ZYG11A: variants seen among roughly 807,000 people sequenced by gnomAD.
The protein encoded by ZYG11A is zyg-11 family member A, cell cycle regulator.
In ZYG11A, 62 loss-of-function variants were observed where a neutral mutation model predicts 77.2. The ratio of observed to expected loss-of-function variants is 0.80; its 90% CI spans 0.65 to 0.99. The LOEUF is 0.99. Ranked by LOEUF, ZYG11A falls within the 50% of genes least tolerant of loss-of-function variation. The pLI is 0.00. For synonymous variants in ZYG11A, 315 were observed against 324.6 expected, an observed-to-expected ratio of 0.97 and a Z score of 0.32; for missense variants, 828 against 896.8, an observed-to-expected ratio of 0.92 and a Z score of 0.98.
Position 52,892,895 on chromosome 1 carries a change from G to A in ZYG11A, c.2218G>A (p.Asp740Asn), listed in dbSNP as rs1328035217. The change falls in exon 14 of 14, where the codon GAT becomes AAT. Residue 740 changes from aspartate to asparagine, a missense_variant. By Grantham distance (23) the Asp-to-Asn change is conservative. Transcript: ENST00000371528. ...ACAGCAGATTGCAGCCTCCATTCTG[G>A]ATGACTTCAGAATGCATTTCATGAA... Reference protein sequence around the residue: ...KAQQIAASILDDFRMHFMNYQ... With the variant: ...KAQQIAASILNDFRMHFMNYQ... The A allele has an allele frequency of 6.4e-7, 1 of 1,551,766 alleles. No individual in the cohort carries two copies. The highest frequency in any genetic ancestry group is 8.7e-7 in the Non-Finnish European group (1 of 1,146,958).
At chr1:52,858,757 T>C (rs4926936) in intron 3 of ZYG11A, among the ~76,000 whole-genome samples, 73,953 of 151,312 alleles carry the variant, frequency 0.49, 19,246 homozygotes, top group Non-Finnish European at 0.59. Context: ...GGATTACAGG[T>C]GTGCACCACC....
chr1:52,890,970 C>G (rs1646534011), intron 13 of ZYG11A, among the ~76,000 whole-genome samples: 1 of 151,894 alleles, frequency 6.6e-6, no homozygotes, highest in South Asian at 2.1e-4. Context: ...ATGATCTCAG[C>G]TCACTGCAAC....
At chr1:52,888,918 G>A (rs1015175178) in intron 13 of ZYG11A, among the ~76,000 whole-genome samples, 16 of 152,140 alleles carry the variant, frequency 1.1e-4, no homozygotes, top group Admixed American at 5.2e-4. Flanking sequence ...TGGTTCTGAC[G>A]TATGAATAGA....
At chr1:52,877,871 T>A in intron 9 of ZYG11A, 28 bp downstream of exon 9, 2 of 1,550,992 alleles carry the variant, frequency 1.3e-6, no homozygotes, top group Non-Finnish European at 1.7e-6. Flanking sequence ...AGTTTATATG[T>A]AAAGTTCTTC....
intron 4 of ZYG11A, 101 bp from the exon 5 acceptor site, chr1:52,863,880 C>A: frequency 9.2e-7 from 1 of 1,090,896 alleles, no homozygotes; most frequent in Non-Finnish European, 1.3e-6. Context: ...AAAATCTGTT[C>A]CTGTCCCAAT....
chr1:52,853,264 C>T (rs1645747859), intron 1 of ZYG11A, among the ~76,000 whole-genome samples: 1 of 152,200 alleles, frequency 6.6e-6, no homozygotes, highest in African/African-American at 2.4e-5. Context: ...ATGGTTTCTA[C>T]TTTATACCGT....
At chr1:52,862,978 G>A (rs1645958914) in intron 4 of ZYG11A, among the ~76,000 whole-genome samples, 1 of 152,078 alleles carries the variant, frequency 6.6e-6, no homozygotes, top group Non-Finnish European at 1.5e-5. Context: ...TAAAGATGAG[G>A]TCTTACTGTG....
In ZYG11A at chr1:52,892,850, A is replaced by C; in HGVS notation, c.2173A>C (p.Ser725Arg). The change falls in exon 14 of 14, where the codon AGT becomes CGT. Residue 725 changes from serine (S) to arginine (R), a missense_variant. Coordinates refer to ENST00000371528, the MANE Select transcript of ZYG11A (RefSeq NM_001004339.3). ...LQLLCDIQEH[S>R]EATPKAQQIA... is the part of the protein sequence containing the mutation. ...GCTTTTGTGTGATATCCAGGAGCAC[A>C]GTGAGGCAACCCCCAAAGCACAGCA... The C allele has an allele frequency of 4.5e-6, 7 of 1,551,750 alleles. No homozygotes were observed. The highest frequency in any genetic ancestry group is 5.2e-6 in the Non-Finnish European group (6 of 1,146,986).
chr1:52,852,667 A>G (rs143678190), intron 1 of ZYG11A, among the ~76,000 whole-genome samples: 19 of 152,222 alleles, frequency 1.2e-4, no homozygotes, highest in Admixed American at 7.2e-4. Context: ...CAGCGTTTCT[A>G]TTTTGTAGAG....
Position 52,842,989 on chromosome 1 carries a change from C to T in ZYG11A, c.90+16C>T, listed in dbSNP as rs560862279. On this transcript the variant is annotated intron_variant, in intron 1 of 13. Coordinates refer to ENST00000371528, the MANE Select transcript of ZYG11A (RefSeq NM_001004339.3). ...CGTGGTACAGGTGAGCACCGGGGTG[C>T]GGGCGGCGACGCGGACCTCGGCGCC... The T allele has an allele frequency of 3.0e-5, 45 of 1,504,524 alleles. No homozygotes were observed. Among genetic ancestry groups the T allele is most frequent in the South Asian group, 2.3e-4 (18 of 79,174 alleles). The allele number at this position is 1,504,524 out of a possible 1,614,324, so 93.2% of individuals were successfully genotyped here. A position where few individuals can be genotyped will look rare whatever the true frequency, so the allele number is the denominator to read the frequency against.
At chr1:52,885,622 G>T (rs191819821) in intron 11 of ZYG11A, among the ~76,000 whole-genome samples, 1 of 152,098 alleles carries the variant, frequency 6.6e-6, no homozygotes, top group African/African-American at 2.4e-5. Context: ...AGGTAAATTC[G>T]TGCTCAGTCC....
At chr1:52,858,493 C>T (rs1209844489) in intron 3 of ZYG11A, among the ~76,000 whole-genome samples, 27 of 148,322 alleles carry the variant, frequency 1.8e-4, no homozygotes, top group Admixed American at 5.4e-4. Context: ...TTAGTAGAGA[C>T]GGGGTTTCAC....
At chr1:52,885,448 C>T (rs984385134) in intron 11 of ZYG11A, among the ~76,000 whole-genome samples, 50 of 152,106 alleles carry the variant, frequency 3.3e-4, no homozygotes, top group African/African-American at 1.2e-3. Flanking sequence ...TTGTGATCCG[C>T]CCGCCTTGGC....
intron 8 of ZYG11A, among the ~76,000 whole-genome samples, chr1:52,874,420 A>ATT (rs889170510): frequency 7.0e-6 from 1 of 142,996 alleles, no homozygotes; most frequent in East Asian, 2.0e-4. Context: ...AATTTTTTAC[A>ATT]TTTTTTTTTT....
At chr1:52,861,841 G>C (rs1328182562) in intron 4 of ZYG11A, among the ~76,000 whole-genome samples, 1 of 152,024 alleles carries the variant, frequency 6.6e-6, no homozygotes, top group African/African-American at 2.4e-5. Flanking sequence ...GGATTTCCTG[G>C]GGCCAGGAGT....
Position 52,855,079 on chromosome 1 carries a change from C to A in ZYG11A, c.256+449C>A, listed in dbSNP as rs150915617. 5.7e-3 allele frequency among the ~76,000 whole-genome samples: 860 copies of A among 152,096 alleles called. 8 individuals carry two copies. Among genetic ancestry groups the A allele is most frequent in the African/African-American group, 0.02 (829 of 41,500 alleles). On this transcript the variant is annotated intron_variant, in intron 2 of 13. Transcript: ENST00000371528. ...GTTTCACCACTTTGGTCAGGCTGGTCTTGAACTCCTGAGTTCAGATGATCC... is the reference window on the plus strand; with the variant it reads ...GTTTCACCACTTTGGTCAGGCTGGTATTGAACTCCTGAGTTCAGATGATCC...
In ZYG11A at chr1:52,857,113, T is replaced by A; in HGVS notation, c.372T>A (p.Arg124=). 6.4e-7 allele frequency: 1 copy of A among 1,551,830 alleles called. No homozygotes were observed. Among genetic ancestry groups the A allele is most frequent in the Non-Finnish European group, 8.7e-7 (1 of 1,147,028 alleles). ...CTGCATTCATAAAAGCCTTCTGCCG[T>A]CATAAGCTCATTGAACTGAATGCTA... is the stretch of plus-strand genomic sequence containing the variant. ...STAAFIKAFC[R]HKLIELNATA... Residue 124 remains arginine, a synonymous_variant, in exon 3 of 14, where the codon CGT becomes CGA. Coordinates refer to ENST00000371528, the MANE Select transcript of ZYG11A (RefSeq NM_001004339.3).
intron 1 of ZYG11A, among the ~76,000 whole-genome samples, chr1:52,843,682 TTC>T (rs1405270112): frequency 1.3e-4 from 16 of 124,334 alleles, no homozygotes; most frequent in Non-Finnish European, 2.8e-4. Flanking sequence ...TTTCTTTTCT[TTC>T]TTTCTTTTTT....
At chr1:52,844,846 T>TA (rs563986271) in intron 1 of ZYG11A, among the ~76,000 whole-genome samples, 52 of 152,190 alleles carry the variant, frequency 3.4e-4, no homozygotes, top group Non-Finnish European at 5.1e-4. Flanking sequence ...ATTGATCTTG[T>TA]ATCCTACAGC....
Sources: gnomAD v4.1 joint callset for allele counts (sites outside exome capture counted in the v4.1 genomes callset) on GRCh38, gnomAD v4.1.1 for gene constraint, MANE v1.5 for transcripts, NCBI Gene and HGNC (gene_info 2026-07-23, HGNC 2026-07-21) for gene names.